Variants in TMEM132B observed in about 807,000 individuals in gnomAD.
The protein encoded by TMEM132B is transmembrane protein 132B.
In TMEM132B, 18 loss-of-function variants were observed where a neutral mutation model predicts 90.8. The observed-to-expected ratio is 0.20, with a 90% CI of 0.14 to 0.29. The LOEUF (loss-of-function observed/expected upper bound fraction) is 0.29, where lower values mean the gene tolerates loss of function less well. TMEM132B is among the 10% of genes least tolerant of loss of function. The pLI is 1.00. For synonymous variants in TMEM132B, 504 were observed against 523.3 expected, an observed-to-expected ratio of 0.96 and a Z score of 0.50; for missense variants, 1,096 against 1,326.8, an observed-to-expected ratio of 0.83 and a Z score of 2.70.
rs11058255 is a variant in TMEM132B, at chr12:125,589,209, A to G, written c.1437+5215A>G. On this transcript the variant is annotated intron_variant, in intron 5 of 8. Transcript: ENST00000682704. ...TATAAAGAAATACCTGAGGCCGGGC[A>G]CGGTGGCTCACGCCTGTAATCCCAG... 6.5e-3 allele frequency among the ~76,000 whole-genome samples: 984 copies of G among 152,244 alleles called. 4 individuals are homozygous for G. Among genetic ancestry groups the G allele is most frequent in the African/African-American group, 0.017 (698 of 41,552 alleles).
chr12:125,317,175 G>A (rs1338849170), intron 1 of TMEM132B, among the ~76,000 whole-genome samples: 4 of 151,176 alleles, frequency 2.6e-5, no homozygotes, highest in African/African-American at 9.7e-5. Flanking sequence ...CCCTCTCTGT[G>A]CCTCAGTTTC....
chr12:125,564,707 A>C (rs182552089), intron 4 of TMEM132B, among the ~76,000 whole-genome samples: 1 of 152,276 alleles, frequency 6.6e-6, no homozygotes, highest in Admixed American at 6.5e-5. Flanking sequence ...TTTCCTGTGT[A>C]GTTTTAGCGG....
chr12:125,553,011 T>A (rs748756491), intron 4 of TMEM132B, among the ~76,000 whole-genome samples: 13 of 152,230 alleles, frequency 8.5e-5, no homozygotes, highest in South Asian at 4.1e-4. Context: ...GCTCATAGCA[T>A]GTTTAAGGCA....
At chr12:125,548,807 G>A (rs974511134) in intron 4 of TMEM132B, among the ~76,000 whole-genome samples, 2 of 152,152 alleles carry the variant, frequency 1.3e-5, no homozygotes, top group African/African-American at 2.4e-5. Context: ...ATGGGCTGAG[G>A]GTTACGATTG....
At chr12:125,416,874 G>T (rs114067570) in intron 3 of TMEM132B, among the ~76,000 whole-genome samples, 275 of 152,306 alleles carry the variant, frequency 1.8e-3, no homozygotes, top group African/African-American at 6.4e-3. Context: ...ATTTGTGTCT[G>T]CCTGCTAGAC....
At chr12:125,216,606 G>A (rs1370526432) in intron 1 of TMEM132B, among the ~76,000 whole-genome samples, 1 of 152,174 alleles carries the variant, frequency 6.6e-6, no homozygotes, top group Admixed American at 6.5e-5. Context: ...GAATTACTCC[G>A]TTATCGTGGC....
intron 1 of TMEM132B, among the ~76,000 whole-genome samples, chr12:125,347,614 C>T (rs2136229738): frequency 6.6e-6 from 1 of 152,336 alleles, no homozygotes; most frequent in Non-Finnish European, 1.5e-5. Context: ...TGGGATTTCT[C>T]TGCTGTTTCC....
At chr12:125,554,404 G>C (rs925135002) in intron 4 of TMEM132B, among the ~76,000 whole-genome samples, 1 of 128,490 alleles carries the variant, frequency 7.8e-6, no homozygotes, top group East Asian at 2.3e-4. Context: ...TAGCCTGGGC[G>C]ACAAAGTGAG....
intron 1 of TMEM132B, among the ~76,000 whole-genome samples, chr12:125,202,313 C>T (rs1001517386): frequency 6.6e-6 from 1 of 152,266 alleles, no homozygotes; most frequent in African/African-American, 2.4e-5. Flanking sequence ...TAAAGCAGCA[C>T]ACATGTGTTA....
At chr12:125,284,511 A>G (rs1875292800) in intron 1 of TMEM132B, among the ~76,000 whole-genome samples, 1 of 151,992 alleles carries the variant, frequency 6.6e-6, no homozygotes, top group Admixed American at 6.6e-5. Context: ...TTATACCCCC[A>G]GTTCTGTGCT....
intron 5 of TMEM132B, among the ~76,000 whole-genome samples, chr12:125,622,043 G>A (rs1245498141): frequency 6.6e-6 from 1 of 152,212 alleles, no homozygotes; most frequent in African/African-American, 2.4e-5. Flanking sequence ...CATGGCAGCA[G>A]TGGGCTCAGC....
intron 2 of TMEM132B, among the ~76,000 whole-genome samples, chr12:125,383,425 TTTTCTAG>T (rs1424040657): frequency 6.6e-6 from 1 of 152,214 alleles, no homozygotes; most frequent in Non-Finnish European, 1.5e-5. Context: ...AATCTGTTGA[TTTTCTAG>T]TTTTATTTTT....
At chr12:125,295,004 A>T (rs2136151733) in intron 1 of TMEM132B, among the ~76,000 whole-genome samples, 1 of 152,318 alleles carries the variant, frequency 6.6e-6, no homozygotes, top group African/African-American at 2.4e-5. Context: ...AGGATTGTGT[A>T]TGTGTGAGCC....
intron 5 of TMEM132B, among the ~76,000 whole-genome samples, chr12:125,616,618 G>C (rs933272430): frequency 1.3e-5 from 2 of 152,170 alleles, no homozygotes; most frequent in Admixed American, 1.3e-4. Context: ...TACTTCTGTT[G>C]TCAGGTCCTT....
intron 1 of TMEM132B, among the ~76,000 whole-genome samples, chr12:125,227,531 C>A (rs955899580): frequency 1.3e-5 from 2 of 152,096 alleles, no homozygotes; most frequent in Admixed American, 1.3e-4. Flanking sequence ...TTGGAAATAC[C>A]TGCTGGGCAG....
chr12:125,358,519 C>T (rs1360123094), intron 2 of TMEM132B, among the ~76,000 whole-genome samples: 1 of 152,044 alleles, frequency 6.6e-6, no homozygotes, highest in Non-Finnish European at 1.5e-5. Flanking sequence ...TTTTTTTACA[C>T]TTCTTTTTAT....
chr12:125,537,286 C>T (rs1883830275), intron 4 of TMEM132B, among the ~76,000 whole-genome samples: 1 of 152,218 alleles, frequency 6.6e-6, no homozygotes, highest in Admixed American at 6.5e-5. Flanking sequence ...ACTGTTTAAG[C>T]ATTAAAAACA....
intron 3 of TMEM132B, among the ~76,000 whole-genome samples, chr12:125,518,321 C>T (rs1883219681): frequency 6.6e-6 from 1 of 152,158 alleles, no homozygotes; most frequent in Non-Finnish European, 1.5e-5. Flanking sequence ...TTTCAAAACT[C>T]CACACAGGTT....
chr12:125,561,077 G>A (rs563699541), intron 4 of TMEM132B, among the ~76,000 whole-genome samples: 42 of 152,224 alleles, frequency 2.8e-4, no homozygotes, highest in African/African-American at 8.9e-4. Flanking sequence ...GCACACATAT[G>A]TTTATTGCGG....
Sources: allele counts gnomAD v4.1 joint callset (sites outside exome capture counted in the v4.1 genomes callset), GRCh38; gene constraint gnomAD v4.1.1; transcripts MANE v1.5; gene names NCBI Gene and HGNC (gene_info 2026-07-23, HGNC 2026-07-21).